Variants in SDK1 observed in about 807,000 individuals in gnomAD.
SDK1 encodes the protein sidekick cell adhesion molecule 1, also known as protein sidekick-1.
In SDK1, 157 loss-of-function variants were observed where a neutral mutation model predicts 245.5. That is an observed-to-expected ratio of 0.64 (90% CI 0.56 to 0.73). The LOEUF is 0.73. Among genes scored for constraint, SDK1 ranks in the 30% least tolerant of loss-of-function variants. The pLI is 0.00. For synonymous variants in SDK1, 1,647 were observed against 1,278.5 expected (o/e 1.29, Z -6.15); for missense variants, 3,583 against 3,002.3 (o/e 1.19, Z -4.52).
rs367817665 is a variant in SDK1, at chr7:3,574,756, G to A, written c.299-44324G>A. On this transcript the variant is annotated intron_variant, in intron 1 of 44. Coordinates refer to ENST00000404826, the MANE Select transcript of SDK1 (RefSeq NM_152744.4). ...AGGAAAACATTTCATTTAAAGTTAC[G>A]AAACAAACCAACTACTCAAAGGCAG... Among the ~76,000 whole-genome samples the A allele has an allele frequency of 1.7e-3, 266 of 152,166 alleles. 1 individual carries two copies. Among genetic ancestry groups the A allele is most frequent in the African/African-American group, 6.3e-3 (260 of 41,546 alleles).
chr7:4,136,024 G>A (rs1183354566), intron 28 of SDK1, among the ~76,000 whole-genome samples: 24 of 152,218 alleles, frequency 1.6e-4, no homozygotes, highest in South Asian at 1.2e-3. Context: ...CCTAAAGTGC[G>A]TCGGGAGGTA....
intron 1 of SDK1, among the ~76,000 whole-genome samples, chr7:3,317,535 G>C (rs531663874): frequency 6.6e-6 from 1 of 151,720 alleles, no homozygotes; most frequent in African/African-American, 2.4e-5. Flanking sequence ...TGTTCCCTGG[G>C]TGCCTGCCAG....
Position 3,672,759 on chromosome 7 carries a change from TTATA to T in SDK1, c.713+30687_713+30690del, listed in dbSNP as rs60760676. On this transcript the variant is annotated intron_variant, in intron 4 of 44. Transcript: ENST00000404826. ...ATATATATTTTTATAATATATAATTTTATATATATATATATATATATATATATAT... is the reference window on the plus strand; with the variant it reads ...ATATATATTTTTATAATATATAATTTTATATATATATATATATATATATAT... 4.6e-3 allele frequency among the ~76,000 whole-genome samples: 234 copies of T among 50,742 alleles called. 7 individuals are homozygous for T. Among genetic ancestry groups the T allele is most frequent in the African/African-American group, 0.013 (150 of 11,504 alleles). 33.3% of individuals were successfully genotyped at this position (50,742 alleles called of 152,430 possible). A position where few individuals can be genotyped will look rare whatever the true frequency, so the allele number is the denominator to read the frequency against.
chr7:4,158,535 G>C lies in SDK1; in HGVS notation c.4713G>C (p.Val1571=), dbSNP rs749655130. 1 of 1,613,342 alleles carries C rather than the reference G, an allele frequency of 6.2e-7. No homozygotes were observed. Among genetic ancestry groups the C allele is most frequent in the Non-Finnish European group, 8.5e-7 (1 of 1,179,752 alleles). Residue 1571 remains valine, a synonymous_variant, in exon 31 of 45, where the codon GTG becomes GTC. Coordinates refer to ENST00000404826, the MANE Select transcript of SDK1 (RefSeq NM_152744.4). ...ACTTCAGTTCAGAGACAGAGGCGGT[G>C]ACCACGCTGCAGGATGGTGAGCAAC... ...DSDFSSETEA[V]TTLQDVPGEP... is the part of the protein sequence containing the mutation.
At chr7:3,989,929 T>C (rs1318975724) in intron 14 of SDK1, among the ~76,000 whole-genome samples, 1 of 152,116 alleles carries the variant, frequency 6.6e-6, no homozygotes, top group Non-Finnish European at 1.5e-5. Context: ...CTGCCCAGGG[T>C]CACATGGCGA....
At chr7:3,799,549 C>CA (rs1779053950) in intron 4 of SDK1, among the ~76,000 whole-genome samples, 1 of 150,684 alleles carries the variant, frequency 6.6e-6, no homozygotes, top group Non-Finnish European at 1.5e-5. Flanking sequence ...CTAAAAAATA[C>CA]AAAAAATTAG....
At chr7:3,757,291 T>G (rs1779960493) in intron 4 of SDK1, among the ~76,000 whole-genome samples, 1 of 152,142 alleles carries the variant, frequency 6.6e-6, no homozygotes, top group Admixed American at 6.5e-5. Context: ...TACTTCCTTT[T>G]TTTGAGACAA....
At chr7:3,687,036 C>G (rs1784303342) in intron 4 of SDK1, among the ~76,000 whole-genome samples, 1 of 139,654 alleles carries the variant, frequency 7.2e-6, no homozygotes, top group African/African-American at 2.9e-5. Flanking sequence ...AATCTCCAAA[C>G]TGGGTTGGGA....
chr7:3,394,131 A>G (rs1781831825), intron 1 of SDK1, among the ~76,000 whole-genome samples: 1 of 151,712 alleles, frequency 6.6e-6, no homozygotes, highest in Non-Finnish European at 1.5e-5. Flanking sequence ...TCTCTGGATT[A>G]CCAGACAGAG....
intron 1 of SDK1, among the ~76,000 whole-genome samples, chr7:3,423,859 T>G (rs1310716201): frequency 6.6e-6 from 1 of 152,162 alleles, no homozygotes; most frequent in East Asian, 1.9e-4. Context: ...GTCAAACCAT[T>G]TGTTTTTTCC....
intron 5 of SDK1, among the ~76,000 whole-genome samples, chr7:3,887,848 G>A (rs764911056): frequency 5.3e-5 from 8 of 152,266 alleles, no homozygotes; most frequent in Non-Finnish European, 8.8e-5. Flanking sequence ...GCATTTTAAC[G>A]TTAATTTCAA....
intron 5 of SDK1, among the ~76,000 whole-genome samples, chr7:3,930,393 A>G (rs985708613): frequency 3.9e-5 from 6 of 152,230 alleles, no homozygotes; most frequent in Admixed American, 3.9e-4. Context: ...CAGAATCTGC[A>G]CTTGAACAGG....
At chr7:3,326,848 A>T (rs749083060) in intron 1 of SDK1, among the ~76,000 whole-genome samples, 1 of 152,128 alleles carries the variant, frequency 6.6e-6, no homozygotes, top group Non-Finnish European at 1.5e-5. Flanking sequence ...GCTGTCATTT[A>T]ACCTGTGATA....
At chr7:4,180,110 G>T (rs1036625199) in intron 35 of SDK1, among the ~76,000 whole-genome samples, 2 of 152,068 alleles carry the variant, frequency 1.3e-5, no homozygotes, top group Non-Finnish European at 2.9e-5. Context: ...GGGGAGTCGC[G>T]CCAGGGCCAG....
At chr7:3,904,363 G>A (rs1781892957) in intron 5 of SDK1, among the ~76,000 whole-genome samples, 6 of 152,132 alleles carry the variant, frequency 3.9e-5, no homozygotes, top group Admixed American at 3.9e-4. Context: ...GAACTAGGAA[G>A]TGCTACACAA....
chr7:4,122,566 A>G (rs556217121), intron 25 of SDK1, among the ~76,000 whole-genome samples: 2 of 152,322 alleles, frequency 1.3e-5, no homozygotes, highest in Admixed American at 1.3e-4. Flanking sequence ...ACAGTTTTGA[A>G]GTGCAGTTTA....
At chr7:3,410,811 T>G (rs1040128880) in intron 1 of SDK1, among the ~76,000 whole-genome samples, 4 of 152,072 alleles carry the variant, frequency 2.6e-5, no homozygotes, top group African/African-American at 9.7e-5. Context: ...GGTCTCGAAC[T>G]CCTGACCTCA....
At chr7:3,854,177 C>T (rs1780484257) in intron 5 of SDK1, among the ~76,000 whole-genome samples, 1 of 151,890 alleles carries the variant, frequency 6.6e-6, no homozygotes, top group Non-Finnish European at 1.5e-5. Flanking sequence ...CTTTTAGGAG[C>T]CAAAGGTTAT....
chr7:3,423,788 T>C (rs933043086), intron 1 of SDK1, among the ~76,000 whole-genome samples: 1 of 152,184 alleles, frequency 6.6e-6, no homozygotes, highest in Non-Finnish European at 1.5e-5. Context: ...AAAATTATAA[T>C]TCAACCTTGT....
Sources: gnomAD v4.1 joint callset for allele counts (sites outside exome capture counted in the v4.1 genomes callset) on GRCh38, gnomAD v4.1.1 for gene constraint, MANE v1.5 for transcripts, NCBI Gene and HGNC (gene_info 2026-07-23, HGNC 2026-07-21) for gene names.